The following KLF3 variants were observed in gnomAD, a reference collection of about 807,000 sequenced individuals.
The protein encoded by KLF3 is Krueppel-like factor 3.
Under a neutral mutation model 32.7 loss-of-function variants are expected in KLF3, and 6 were observed. The observed-to-expected ratio is 0.18, with a 90% CI of 0.10 to 0.36. The LOEUF is 0.36. Ranked by LOEUF, KLF3 falls within the 10% of genes least tolerant of loss-of-function variation. KLF3 has a pLI of 1.00. For missense variants in KLF3, 338 were observed against 449.7 expected (o/e 0.75, Z 2.25); for synonymous variants, 145 against 172.8 (o/e 0.84, Z 1.26).
intron 1 of KLF3, among the ~76,000 whole-genome samples, chr4:38,667,395 G>A (rs1009987012): frequency 2.6e-5 from 4 of 152,024 alleles, no homozygotes; most frequent in Non-Finnish European, 5.9e-5. Context: ...CCTAAACTCC[G>A]TATCCCCACC....
Position 38,680,640 on chromosome 4 carries a change from C to G in KLF3, c.15C>G (p.Asp5Glu), listed in dbSNP as rs1446786564. The change falls in exon 2 of 6, where the codon GAC becomes GAG. Residue 5 changes from aspartate to glutamate, a missense_variant. Coordinates refer to ENST00000261438, the MANE Select transcript of KLF3 (RefSeq NM_016531.6). ...TAACTAAAAGAATGCTCATGTTTGA[C>G]CCAGTTCCTGTCAAGCAAGAGGCCA... is the stretch of plus-strand genomic sequence containing the variant. MLMF[D>E]PVPVKQEAMD... The G allele has an allele frequency of 6.2e-7, 1 of 1,613,674 alleles. No individual in the cohort carries two copies. Among genetic ancestry groups the G allele is most frequent in the East Asian group, 2.2e-5 (1 of 44,876 alleles).
chr4:38,695,582 G>A (rs1247355790), intron 5 of KLF3, among the ~76,000 whole-genome samples: 2 of 152,158 alleles, frequency 1.3e-5, no homozygotes, highest in African/African-American at 2.4e-5. Context: ...ATACAAAAAT[G>A]TTTTAACAGC....
rs7683280 is a variant in KLF3 at position 38,679,097 on chromosome 4, G to A, written c.-39-1490G>A. ...GGATGGCAAGCAGAGAACAACAGAA[G>A]AAAAAGACAGGACAGGATCAAGGTG... On this transcript the variant is annotated intron_variant, in intron 1 of 5. Transcript: ENST00000261438. Among the ~76,000 whole-genome samples, 1,463 of 152,224 alleles carry A rather than the reference G, an allele frequency of 9.6e-3. 31 individuals carry two copies. The highest frequency in any genetic ancestry group is 0.034 in the African/African-American group (1,393 of 41,526).
At position 38,674,051 on chromosome 4, in the gene KLF3, G is replaced by A. The variant is rs963241775; in HGVS notation, c.-39-6536G>A. Among the ~76,000 whole-genome samples, 2 of 152,064 alleles carry A rather than the reference G, an allele frequency of 1.3e-5. No individual in the cohort carries two copies. Among genetic ancestry groups the A allele is most frequent in the Admixed American group, 1.3e-4 (2 of 15,256 alleles). On this transcript the variant is annotated intron_variant, in intron 1 of 5. Coordinates refer to ENST00000261438, the MANE Select transcript of KLF3 (RefSeq NM_016531.6). This position sits in a 1 kb window ranked among gnomAD's most constrained non-coding sequence, Gnocchi z 4.1. ...TAATGCAAAATAACTAATTCATGAG[G>A]GGCGAAGATTTAGAAACACCCCATG...
At chr4:38,689,523 T>C (rs1722813513) in intron 3 of KLF3, among the ~76,000 whole-genome samples, 1 of 152,238 alleles carries the variant, frequency 6.6e-6, no homozygotes, top group South Asian at 2.1e-4. Flanking sequence ...TGGTGTCTTA[T>C]AATCTAGGTC....
chr4:38,675,731 C>T (rs920431177), intron 1 of KLF3, among the ~76,000 whole-genome samples: 2 of 152,166 alleles, frequency 1.3e-5, no homozygotes, highest in African/African-American at 4.8e-5. Context: ...ACTGGTTCTG[C>T]TTCAGATTGC....
chr4:38,689,855 C>G lies in KLF3; in HGVS notation c.671C>G (p.Ser224Cys), dbSNP rs1388814184. 1 of 1,395,530 alleles carries G rather than the reference C, an allele frequency of 7.2e-7. No homozygotes were observed. The highest frequency in any genetic ancestry group is 3.9e-5 in the East Asian group (1 of 25,708). 86.4% of individuals were successfully genotyped at this position (1,395,530 alleles called of 1,614,324 possible). ...TCACCCCCCTTAATGAACTCAGTGT[C>G]CCCCCCGCAAGCATTGTTGCAAGAG... ...EMSPPLMNSV[S>C]PPQALLQENH... The change falls in exon 4 of 6, where the codon TCC becomes TGC. Residue 224 changes from serine to cysteine, a missense_variant. Ser to Cys is a moderately radical substitution (Grantham distance 112). Transcript: ENST00000261438.
intron 4 of KLF3, among the ~76,000 whole-genome samples, chr4:38,693,747 G>A (rs1239831466): frequency 6.6e-6 from 1 of 152,164 alleles, no homozygotes; most frequent in Admixed American, 6.5e-5. Context: ...TTAGTCATTA[G>A]GAAAGTGAAT....
chr4:38,697,338 C>A lies in KLF3; in HGVS notation c.*75C>A. 7.6e-7 allele frequency: 1 copy of A among 1,312,854 alleles called. No individual in the cohort carries two copies. Among genetic ancestry groups the A allele is most frequent in the Non-Finnish European group, 1.0e-6 (1 of 955,650 alleles). The allele number at this position is 1,312,854 out of a possible 1,614,324, so 81.3% of individuals were successfully genotyped here. On this transcript the variant is annotated 3_prime_UTR_variant, in exon 6 of 6. Coordinates refer to ENST00000261438, the MANE Select transcript of KLF3 (RefSeq NM_016531.6). Reference sequence around the variant, plus strand: ...CTCTGTCCTGCCTCCCATTATCTAACACATTTTTTACATGTACATTTTAAT... The same window carrying A: ...CTCTGTCCTGCCTCCCATTATCTAAAACATTTTTTACATGTACATTTTAAT...
At chr4:38,687,513 T>A (rs546320621) in intron 2 of KLF3, among the ~76,000 whole-genome samples, 19 of 152,258 alleles carry the variant, frequency 1.2e-4, no homozygotes, top group African/African-American at 4.6e-4. Flanking sequence ...GAGAAAGGTG[T>A]TTGAAGATAA....
intron 5 of KLF3, among the ~76,000 whole-genome samples, chr4:38,696,186 GAAAAAAAA>G (rs57996051): frequency 4.0e-5 from 4 of 99,266 alleles, no homozygotes; most frequent in South Asian, 8.0e-4. Context: ...TTAGATGTAG[GAAAAAAAA>G]AAAAAAAAAA....
At chr4:38,668,395 T>A (rs567867218) in intron 1 of KLF3, among the ~76,000 whole-genome samples, 1 of 152,244 alleles carries the variant, frequency 6.6e-6, no homozygotes, top group South Asian at 2.1e-4. Context: ...AAAGAGTTGC[T>A]GAAGCAGCAA....
At position 38,664,417 on chromosome 4, in the gene KLF3, G is replaced by C. The variant is rs570798422; in HGVS notation, c.-84G>C. On this transcript the variant is annotated 5_prime_UTR_variant, in exon 1 of 6. Transcript: ENST00000261438. Reference sequence around the variant, plus strand: ...GGGGGCTCCAGGCAGCCCGTATCGGGGCCTTTATTTCTCGTCGGCGGCGCC... The same window carrying C: ...GGGGGCTCCAGGCAGCCCGTATCGGCGCCTTTATTTCTCGTCGGCGGCGCC... 2 of 152,200 alleles carry C rather than the reference G, an allele frequency of 1.3e-5. No homozygotes were observed. Among genetic ancestry groups the C allele is most frequent in the South Asian group, 4.1e-4 (2 of 4,832 alleles). The allele number at this position is 152,200 out of a possible 1,614,324, so 9.4% of individuals were successfully genotyped here. A position where few individuals can be genotyped will look rare whatever the true frequency, so the allele number is the denominator to read the frequency against.
intron 2 of KLF3, 111 bp downstream of exon 2, chr4:38,680,793 G>GT: frequency 1.3e-6 from 1 of 759,574 alleles, no homozygotes; most frequent in South Asian, 1.4e-5. Flanking sequence ...GCTCACGCCT[G>GT]TAATCCCAGC....
In KLF3 at chr4:38,674,792, GCTC is replaced by G. The variant is rs1722294790; in HGVS notation, c.-39-5792_-39-5790del. Among the ~76,000 whole-genome samples the G allele has an allele frequency of 8.1e-6, 1 of 124,138 alleles. No homozygotes were observed. The highest frequency in any genetic ancestry group is 3.2e-5 in the African/African-American group (1 of 31,556). The allele number at this position is 124,138 out of a possible 152,430, so 81.4% of individuals were successfully genotyped here. A position where few individuals can be genotyped will look rare whatever the true frequency, so the allele number is the denominator to read the frequency against. On this transcript the variant is annotated intron_variant, in intron 1 of 5. Transcript: ENST00000261438. The surrounding 1 kb of genome is among the most constrained non-coding windows in gnomAD (Gnocchi z 4.1). ...CTCTAACCCCAAGAAACAGGAAACT[GCTC>G]CTGATACGTACACATTCTCTCTCCA...
Position 38,664,312 on chromosome 4 carries a change from G to T in KLF3, c.-189G>T, listed in dbSNP as rs1012248161. On this transcript the variant is annotated 5_prime_UTR_variant, in exon 1 of 6. Coordinates refer to ENST00000261438, the MANE Select transcript of KLF3 (RefSeq NM_016531.6). ...GCCCGAGCCGGAGCGCAGCGAGAGC[G>T]CCCGCCGCACGCGCGCCCGTCCCCG... 2 of 152,006 alleles carry T rather than the reference G, an allele frequency of 1.3e-5. No individual in the cohort carries two copies. Among genetic ancestry groups the T allele is most frequent in the Admixed American group, 6.6e-5 (1 of 15,254 alleles). The allele number at this position is 152,006 out of a possible 1,614,324, so 9.4% of individuals were successfully genotyped here.
rs187898061 is a variant in KLF3, at chr4:38,694,738, T to C, written c.696-8T>C. ...TCAACATTTGGCCTGTAACCTTGGCTTTCACAGGAATCACCCTTCGGTCAT... is the reference window on the plus strand; with the variant it reads ...TCAACATTTGGCCTGTAACCTTGGCCTTCACAGGAATCACCCTTCGGTCAT... On this transcript the variant is annotated splice_polypyrimidine_tract_variant and splice_region_variant and intron_variant, in intron 4 of 5. Transcript: ENST00000261438. 16 of 1,544,690 alleles carry C rather than the reference T, an allele frequency of 1.0e-5. No individual in the cohort carries two copies. The East Asian group carries it at 1.7e-4, about 17-fold the overall frequency.
rs1560421128 is a variant in KLF3, at chr4:38,696,184, A to G, written c.857-898A>G. 3.6e-5 allele frequency among the ~76,000 whole-genome samples: 3 copies of G among 83,832 alleles called. No homozygotes were observed. The South Asian group carries it at 1.5e-3, about 42-fold the overall frequency. The allele number at this position is 83,832 out of a possible 152,430, so 55.0% of individuals were successfully genotyped here. On this transcript the variant is annotated intron_variant, in intron 5 of 5. Transcript: ENST00000261438. ...AATATTTGGGTGACAGTTTAGATGT[A>G]GGAAAAAAAAAAAAAAAAAAAAAAC...
At chr4:38,693,186 T>A (rs1722937536) in intron 4 of KLF3, among the ~76,000 whole-genome samples, 1 of 149,088 alleles carries the variant, frequency 6.7e-6, no homozygotes, top group South Asian at 2.1e-4. Context: ...TTTTCTTTTC[T>A]CCCTCCTCAC....
Sources: gnomAD v4.1 joint callset for allele counts (sites outside exome capture counted in the v4.1 genomes callset) on GRCh38, gnomAD v4.1.1 for gene constraint, Gnocchi (gnomAD v3.1) non-coding constraint, MANE v1.5 for transcripts, NCBI Gene and HGNC (gene_info 2026-07-23, HGNC 2026-07-21) for gene names.